ZDHHC17: variants seen among roughly 807,000 people sequenced by gnomAD.
ZDHHC17 encodes palmitoyltransferase ZDHHC17.
ZDHHC17 carries 40 observed loss-of-function variants against 90.3 expected under a neutral mutation model. The ratio of observed to expected loss-of-function variants is 0.44; its 90% confidence interval spans 0.34 to 0.58. The LOEUF (loss-of-function observed/expected upper bound fraction) is 0.58. Among genes scored for constraint, ZDHHC17 ranks in the 20% least tolerant of loss-of-function variants. ZDHHC17 has a pLI of 0.01. For missense variants in ZDHHC17, 614 were observed against 780.8 expected (o/e 0.79, Z 2.55); for synonymous variants, 235 against 252.4 (o/e 0.93, Z 0.65).
chr12:76,827,030 T>A lies in ZDHHC17; in HGVS notation c.1020T>A (p.Ala340=). 5.8e-6 allele frequency: 9 copies of A among 1,562,732 alleles called. No individual in the cohort carries two copies. Among genetic ancestry groups the A allele is most frequent in the Non-Finnish European group, 7.7e-6 (9 of 1,163,328 alleles). ...GGCTAATGTATGGTGGTGTTTGGGC[T>A]ACAGTACAGTTTCTTTCAAAGTAAG... ...IKGLMYGGVW[A]TVQFLSKSFF... is the part of the protein sequence containing the mutation. Residue 340 remains alanine (A), a synonymous_variant, in exon 9 of 17, where the codon GCT becomes GCA. Transcript: ENST00000426126.
At chr12:76,828,575 A>AG in intron 10 of ZDHHC17, 85 bp downstream of exon 10, 1 of 1,140,874 alleles carries the variant, frequency 8.8e-7, no homozygotes, top group Non-Finnish European at 1.3e-6. Flanking sequence ...ATTAGGACTG[A>AG]TCTACTCATT....
chr12:76,802,505 A>G (rs565703613), intron 2 of ZDHHC17, among the ~76,000 whole-genome samples: 1 of 152,092 alleles, frequency 6.6e-6, no homozygotes, highest in Non-Finnish European at 1.5e-5. Flanking sequence ...ATTTTTTCAA[A>G]TATTCTCTCT....
chr12:76,826,657 T>G (rs1953234189), intron 8 of ZDHHC17, among the ~76,000 whole-genome samples: 1 of 152,196 alleles, frequency 6.6e-6, no homozygotes, highest in African/African-American at 2.4e-5. Context: ...TCTTCTATAT[T>G]TAACCATATA....
chr12:76,766,725 AAAT>A (rs1952435495), intron 1 of ZDHHC17, among the ~76,000 whole-genome samples: 1 of 152,152 alleles, frequency 6.6e-6, no homozygotes, highest in African/African-American at 2.4e-5. Flanking sequence ...TGTAATCAGA[AAAT>A]GGAGATCCTG....
intron 3 of ZDHHC17, among the ~76,000 whole-genome samples, chr12:76,807,510 G>T (rs1415314004): frequency 1.3e-5 from 2 of 152,098 alleles, no homozygotes; most frequent in Admixed American, 6.6e-5. Flanking sequence ...TAAGAATTGT[G>T]CAATCTCAGA....
chr12:76,790,344 A>G (rs1952745616), intron 1 of ZDHHC17, among the ~76,000 whole-genome samples: 1 of 152,122 alleles, frequency 6.6e-6, no homozygotes. Context: ...TCTACTAAAA[A>G]TACAAAAATT....
At chr12:76,808,804 T>G (rs536856655) in intron 3 of ZDHHC17, among the ~76,000 whole-genome samples, 50 of 152,102 alleles carry the variant, frequency 3.3e-4, no homozygotes, top group African/African-American at 1.1e-3. Flanking sequence ...GGCATTTTTA[T>G]TCTTTTTTTT....
chr12:76,852,918 A>G lies in ZDHHC17; in HGVS notation c.*1933A>G, dbSNP rs1158353071. ...GAAATTTTAGATAATTTTTAAATTCAAAGTTATTTATAAAATGCTAGAATT... is the reference window on the plus strand; with the variant it reads ...GAAATTTTAGATAATTTTTAAATTCGAAGTTATTTATAAAATGCTAGAATT... On this transcript the variant is annotated 3_prime_UTR_variant, in exon 17 of 17. Coordinates refer to ENST00000426126, the MANE Select transcript of ZDHHC17 (RefSeq NM_015336.4). 6.6e-6 allele frequency: 1 copy of G among 152,654 alleles called. No homozygotes were observed. Among genetic ancestry groups the G allele is most frequent in the East Asian group, 1.9e-4 (1 of 5,202 alleles). 9.5% of individuals were successfully genotyped at this position (152,654 alleles called of 1,614,324 possible).
At chr12:76,777,162 C>T (rs528474861) in intron 1 of ZDHHC17, among the ~76,000 whole-genome samples, 1 of 152,150 alleles carries the variant, frequency 6.6e-6, no homozygotes, top group African/African-American at 2.4e-5. Context: ...TCATATTGCC[C>T]TTTTATACCC....
chr12:76,851,120 CT>C lies in ZDHHC17; in HGVS notation c.*142del. ...TAGGGCTAATGGTGAATTTTACAGT[CT>C]TTTTTTCAACACTTTTATTAACAAA... On this transcript the variant is annotated 3_prime_UTR_variant, in exon 17 of 17. Coordinates refer to ENST00000426126, the MANE Select transcript of ZDHHC17 (RefSeq NM_015336.4). The C allele has an allele frequency of 3.8e-6, 4 of 1,057,166 alleles. No individual in the cohort carries two copies. The highest frequency in any genetic ancestry group is 5.3e-6 in the Non-Finnish European group (4 of 755,906). The allele number at this position is 1,057,166 out of a possible 1,614,324, so 65.5% of individuals were successfully genotyped here. A position where few individuals can be genotyped will look rare whatever the true frequency, so the allele number is the denominator to read the frequency against.
chr12:76,764,523 C>T (rs771863483), intron 1 of ZDHHC17, 194 bp downstream of exon 1: 53 of 595,338 alleles, frequency 8.9e-5, no homozygotes, highest in Non-Finnish European at 9.2e-5. Flanking sequence ...CGGGCCCGAC[C>T]GGGGCGGGCT....
At chr12:76,827,480 G>T (rs577061444) in intron 9 of ZDHHC17, among the ~76,000 whole-genome samples, 1 of 152,242 alleles carries the variant, frequency 6.6e-6, no homozygotes, top group South Asian at 2.1e-4. Flanking sequence ...TCTAAGCATA[G>T]TTGTGAAGTC....
intron 6 of ZDHHC17, 131 bp downstream of exon 6, chr12:76,815,341 AAATT>A: frequency 2.2e-6 from 1 of 459,124 alleles, no homozygotes; most frequent in Admixed American, 4.2e-5. Context: ...TAGTATATAT[AAATT>A]ACCATTTTGG....
At chr12:76,811,825 T>C (rs1239737516) in intron 5 of ZDHHC17, among the ~76,000 whole-genome samples, 1 of 152,060 alleles carries the variant, frequency 6.6e-6, no homozygotes, top group Non-Finnish European at 1.5e-5. Flanking sequence ...AATCTGAAAA[T>C]CCGGAATGCT....
chr12:76,764,396 G>A (rs2137700295), intron 1 of ZDHHC17, 67 bp downstream of exon 1: 1 of 1,464,386 alleles, frequency 6.8e-7, no homozygotes, highest in East Asian at 2.5e-5. Flanking sequence ...CGGACTCGCC[G>A]AGGGCGGCGG....
chr12:76,818,288 T>A (rs1453442166), intron 7 of ZDHHC17, among the ~76,000 whole-genome samples: 1 of 152,190 alleles, frequency 6.6e-6, no homozygotes, highest in Non-Finnish European at 1.5e-5. Context: ...ATGCCTTTTT[T>A]AAAAATGGGG....
chr12:76,841,888 T>C, intron 10 of ZDHHC17, 94 bp from the exon 11 acceptor site: 1 of 937,154 alleles, frequency 1.1e-6, no homozygotes, highest in Non-Finnish European at 1.4e-6. Context: ...TTTTTTTGAC[T>C]GGTAGGTGTT....
intron 10 of ZDHHC17, among the ~76,000 whole-genome samples, chr12:76,832,997 G>A (rs542997670): frequency 5.3e-5 from 8 of 152,256 alleles, no homozygotes; most frequent in African/African-American, 1.9e-4. Flanking sequence ...TCATGGAGGT[G>A]TGAGGATCAA....
chr12:76,833,849 G>A (rs11115648), intron 10 of ZDHHC17, among the ~76,000 whole-genome samples: 1,687 of 152,136 alleles, frequency 0.011, 11 homozygotes, highest in Non-Finnish European at 0.017. Context: ...GTGTCAGTAG[G>A]TAATCAGATG....
Sources: gnomAD v4.1 joint callset for allele counts (sites outside exome capture counted in the v4.1 genomes callset) on GRCh38, gnomAD v4.1.1 for gene constraint, MANE v1.5 for transcripts, NCBI Gene and HGNC (gene_info 2026-07-23, HGNC 2026-07-21) for gene names.